DIPK2B: variants seen among roughly 807,000 people sequenced by gnomAD.
The protein encoded by DIPK2B is divergent protein kinase domain 2B.
In DIPK2B, 15 loss-of-function variants were observed where a neutral mutation model predicts 22.2. The observed-to-expected ratio is 0.68, with a 90% CI of 0.45 to 1.04. The LOEUF (loss-of-function observed/expected upper bound fraction) is 1.04, where lower values mean the gene tolerates loss of function less well. Ranked by LOEUF, DIPK2B falls within the 50% of genes least tolerant of loss-of-function variation. The pLI is 0.00. For synonymous variants in DIPK2B, 163 were observed against 153.2 expected, an observed-to-expected ratio of 1.06 and a Z score of -0.47; for missense variants, 345 against 348.3, an observed-to-expected ratio of 0.99 and a Z score of 0.08.
At chrX:45,152,269 A>G (rs982198598) in intron 4 of DIPK2B, among the ~76,000 whole-genome samples, 1 of 111,044 alleles carries the variant, frequency 9.0e-6, no homozygotes, top group Admixed American at 9.6e-5. Context: ...GAGGCTGGAG[A>G]ATCGCTTGAA....
chrX:45,198,107 A>C (rs183928188), intron 1 of DIPK2B, among the ~76,000 whole-genome samples: 93 of 112,047 alleles, frequency 8.3e-4, no homozygotes, highest in African/African-American at 3.0e-3. Context: ...ATACTGTTAA[A>C]TAGTAGTTTC....
rs2046957954 is a variant in DIPK2B at position 45,150,967 on chromosome X, C to G, written c.*685G>C. The G allele has an allele frequency of 1.8e-5, 2 of 111,339 alleles. No homozygotes were observed. The highest frequency in any genetic ancestry group is 1.9e-4 in the Admixed American group (2 of 10,456). The allele number at this position is 111,339 out of a possible 1,213,427, so 9.2% of individuals were successfully genotyped here. ...AACACATTGGTCCCCCGCCGGCCCC[C>G]CTTTATCTTCTTACCCCTGGCTTCT... On this transcript the variant is annotated 3_prime_UTR_variant, in exon 5 of 5. Transcript: ENST00000398000.
At chrX:45,159,161 A>C (rs932785211) in intron 2 of DIPK2B, among the ~76,000 whole-genome samples, 1 of 110,821 alleles carries the variant, frequency 9.0e-6, no homozygotes, top group African/African-American at 3.3e-5. Flanking sequence ...GGTGGGGATA[A>C]GTAATTTTTT....
chrX:45,171,729 G>A (rs73477168), intron 2 of DIPK2B, among the ~76,000 whole-genome samples: 4,426 of 112,326 alleles, frequency 0.039, 207 homozygotes, highest in African/African-American at 0.14. Context: ...GGCCCTTCCA[G>A]CTCCCATTTT....
chrX:45,175,259 TC>T (rs1014607828), intron 2 of DIPK2B, among the ~76,000 whole-genome samples: 2 of 111,245 alleles, frequency 1.8e-5, no homozygotes, highest in Non-Finnish European at 3.8e-5. Flanking sequence ...AAAAAGATGT[TC>T]ATCAAAGCAT....
chrX:45,189,147 C>G (rs1440078167), intron 2 of DIPK2B, among the ~76,000 whole-genome samples: 1 of 112,439 alleles, frequency 8.9e-6, no homozygotes, highest in Non-Finnish European at 1.9e-5. Context: ...CCTGCCTCAG[C>G]CTCCCAAAGT....
chrX:45,160,046 T>C (rs2047014789), intron 2 of DIPK2B, among the ~76,000 whole-genome samples: 1 of 109,844 alleles, frequency 9.1e-6, no homozygotes. Context: ...ATTTCCCCCT[T>C]ATTGTTCTTG....
intron 2 of DIPK2B, among the ~76,000 whole-genome samples, chrX:45,190,788 C>T (rs1487882633): frequency 8.9e-6 from 1 of 112,385 alleles, no homozygotes; most frequent in Non-Finnish European, 1.9e-5. Flanking sequence ...AAGATGTACT[C>T]ATAGAGTGCA....
intron 2 of DIPK2B, among the ~76,000 whole-genome samples, chrX:45,177,182 C>T (rs2047123437): frequency 9.2e-6 from 1 of 109,252 alleles, no homozygotes; most frequent in Non-Finnish European, 1.9e-5. Context: ...ACCTGTAGTC[C>T]CAGCTACTTG....
At chrX:45,155,948 C>A (rs1426650387) in intron 3 of DIPK2B, among the ~76,000 whole-genome samples, 2 of 98,294 alleles carry the variant, frequency 2.0e-5, no homozygotes, top group Non-Finnish European at 4.0e-5. Flanking sequence ...TTTCCCCTGC[C>A]TAAAGGGGAC....
At chrX:45,163,196 C>A in intron 2 of DIPK2B, 1 of 202,257 alleles carries the variant, frequency 4.9e-6, no homozygotes, top group Non-Finnish European at 7.4e-6. Context: ...TTTTAAGGAA[C>A]AAGGAATTCT....
intron 2 of DIPK2B, among the ~76,000 whole-genome samples, chrX:45,170,997 G>A (rs2047078089): frequency 9.0e-6 from 1 of 111,436 alleles, no homozygotes; most frequent in African/African-American, 3.3e-5. Context: ...TAGGGGTGGA[G>A]CCAGGATTTG....
chrX:45,161,037 A>G (rs2047020145), intron 2 of DIPK2B, among the ~76,000 whole-genome samples: 1 of 111,741 alleles, frequency 8.9e-6, no homozygotes, highest in Admixed American at 9.5e-5. Flanking sequence ...TTCTGGGAAG[A>G]GTCCTTAAAG....
chrX:45,148,844 G>C lies in DIPK2B; in HGVS notation c.*2808C>G, dbSNP rs2046946240. ...CCAATCTCCCTACAGCTCCTCGGGG[G>C]ACAGCTCGCCGGTTTTCTCATTTGC... is the stretch of plus-strand genomic sequence containing the variant. On this transcript the variant is annotated 3_prime_UTR_variant, in exon 5 of 5. Coordinates refer to ENST00000398000, the MANE Select transcript of DIPK2B (RefSeq NM_176819.4). The C allele has an allele frequency of 9.0e-6, 1 of 111,631 alleles. No homozygotes were observed. The highest frequency in any genetic ancestry group is 9.5e-5 in the Admixed American group (1 of 10,506). The allele number at this position is 111,631 out of a possible 1,213,427, so 9.2% of individuals were successfully genotyped here.
chrX:45,169,639 C>T (rs1353868302), intron 2 of DIPK2B, among the ~76,000 whole-genome samples: 1 of 112,047 alleles, frequency 8.9e-6, no homozygotes, highest in Non-Finnish European at 1.9e-5. Context: ...CTCTGGACAT[C>T]ATAGACACTG....
At chrX:45,164,881 G>A (rs1426344721) in intron 2 of DIPK2B, among the ~76,000 whole-genome samples, 1 of 111,775 alleles carries the variant, frequency 8.9e-6, no homozygotes, top group Non-Finnish European at 1.9e-5. Flanking sequence ...AGACTGCAGT[G>A]AGCCACGGTC....
At chrX:45,158,272 G>A (rs1330014232) in intron 2 of DIPK2B, among the ~76,000 whole-genome samples, 1 of 110,058 alleles carries the variant, frequency 9.1e-6, no homozygotes, top group Non-Finnish European at 1.9e-5. Flanking sequence ...GCAGGCTGAG[G>A]GCAGGGCAGG....
Position 45,157,733 on chromosome X carries a change from C to G in DIPK2B, c.654G>C (p.Ser218=). 8.4e-7 allele frequency: 1 copy of G among 1,196,334 alleles called. No homozygotes were observed. The highest frequency in any genetic ancestry group is 1.1e-6 in the Non-Finnish European group (1 of 887,840). The part of the protein sequence containing the change: ...LRLLYTLAVN[S]HPILLQIFPG... Reference sequence around the variant, plus strand: ...TGCATACCTGTAGGAGGATGGGGTGCGAGTTGACAGCCAGCGTGTAGAGCA... The same window carrying G: ...TGCATACCTGTAGGAGGATGGGGTGGGAGTTGACAGCCAGCGTGTAGAGCA... The change falls in exon 3 of 5, where the codon TCG becomes TCC. Residue 218 remains serine, a synonymous_variant. Coordinates refer to ENST00000398000, the MANE Select transcript of DIPK2B (RefSeq NM_176819.4).
intron 2 of DIPK2B, among the ~76,000 whole-genome samples, chrX:45,187,798 T>C (rs921349299): frequency 9.0e-5 from 10 of 111,390 alleles, no homozygotes; most frequent in Admixed American, 8.6e-4. Flanking sequence ...TTCTTTGATT[T>C]TTTTTCTCCT....
Sources: allele counts gnomAD v4.1 joint callset (sites outside exome capture counted in the v4.1 genomes callset), GRCh38; gene constraint gnomAD v4.1.1; transcripts MANE v1.5; gene names NCBI Gene and HGNC (gene_info 2026-07-23, HGNC 2026-07-21).